PTPRD: variants seen among roughly 807,000 people sequenced by gnomAD.
PTPRD encodes receptor-type tyrosine-protein phosphatase delta.
Under a neutral mutation model 214.5 loss-of-function variants are expected in PTPRD, and 34 were observed. The observed-to-expected ratio is 0.16, with a 90% CI of 0.12 to 0.21. PTPRD has a LOEUF of 0.21. PTPRD is among the 10% of genes least tolerant of loss of function. The pLI is 1.00. For synonymous variants in PTPRD, 1,128 were observed against 845.7 expected (o/e 1.33, Z -5.79); for missense variants, 2,545 against 2,398.7 (o/e 1.06, Z -1.27).
chr9:9,626,532 T>C (rs2095431348), intron 7 of PTPRD, among the ~76,000 whole-genome samples: 4 of 151,952 alleles, frequency 2.6e-5, no homozygotes, highest in Admixed American at 6.6e-5. Context: ...ATGATTTGAT[T>C]AAAAATGGAA....
At chr9:9,302,541 C>T (rs1238603891) in intron 9 of PTPRD, among the ~76,000 whole-genome samples, 1 of 151,318 alleles carries the variant, frequency 6.6e-6, no homozygotes, top group Non-Finnish European at 1.5e-5. Flanking sequence ...CCCCACTCTC[C>T]CACTTTTCAT....
intron 4 of PTPRD, among the ~76,000 whole-genome samples, chr9:9,980,284 T>A (rs1327975493): frequency 6.6e-6 from 1 of 151,856 alleles, no homozygotes; most frequent in East Asian, 1.9e-4. Flanking sequence ...TTGTAATATA[T>A]AAACATATAA....
intron 3 of PTPRD, among the ~76,000 whole-genome samples, chr9:10,245,562 A>T (rs1441926252): frequency 6.6e-6 from 1 of 152,212 alleles, no homozygotes; most frequent in Non-Finnish European, 1.5e-5. Context: ...CTTTTCATTC[A>T]TTAGACAATG....
intron 11 of PTPRD, among the ~76,000 whole-genome samples, chr9:8,871,701 C>G (rs1028267624): frequency 3.3e-5 from 5 of 152,100 alleles, no homozygotes; most frequent in Non-Finnish European, 7.4e-5. Context: ...AGAGTGAAAA[C>G]TTTACCAATG....
chr9:8,730,556 G>A (rs766653885), intron 12 of PTPRD, among the ~76,000 whole-genome samples: 1 of 152,210 alleles, frequency 6.6e-6, no homozygotes, highest in Non-Finnish European at 1.5e-5. Context: ...TTTCGTTAGA[G>A]TGAAACTGGT....
intron 16 of PTPRD, 80 bp downstream of exon 16, chr9:8,527,265 G>A (rs1217063982): frequency 2.1e-6 from 3 of 1,441,556 alleles, no homozygotes; most frequent in Non-Finnish European, 2.9e-6. Context: ...TGCATGCCAT[G>A]CATTTTATTA....
intron 7 of PTPRD, among the ~76,000 whole-genome samples, chr9:9,601,091 C>G (rs978949848): frequency 4.5e-5 from 6 of 132,190 alleles, no homozygotes; most frequent in Non-Finnish European, 9.3e-5. Flanking sequence ...GATAAATACA[C>G]TGGGAAAAGA....
intron 7 of PTPRD, among the ~76,000 whole-genome samples, chr9:9,674,112 C>T (rs893093158): frequency 2.6e-5 from 4 of 151,672 alleles, no homozygotes; most frequent in Admixed American, 1.3e-4. Context: ...TAGATAAATA[C>T]TGTCTGTGTA....
intron 4 of PTPRD, among the ~76,000 whole-genome samples, chr9:9,940,591 T>C (rs937327555): frequency 2.0e-5 from 3 of 152,200 alleles, no homozygotes; most frequent in African/African-American, 7.2e-5. Flanking sequence ...TACATTCTTC[T>C]GAGTTTTGTT....
chr9:10,248,990 T>G (rs1194918137), intron 3 of PTPRD, among the ~76,000 whole-genome samples: 2 of 152,130 alleles, frequency 1.3e-5, no homozygotes, highest in Admixed American at 1.3e-4. Context: ...CCTAGAAGTT[T>G]GATCCCCTAA....
intron 4 of PTPRD, among the ~76,000 whole-genome samples, chr9:9,959,675 A>C (rs1159578745): frequency 6.6e-6 from 1 of 152,196 alleles, no homozygotes; most frequent in Non-Finnish European, 1.5e-5. Flanking sequence ...AGGTGCACAA[A>C]AACAGTGTAC....
At chr9:8,404,452 T>G in intron 36 of PTPRD, 85 bp downstream of exon 36, 1 of 1,502,338 alleles carries the variant, frequency 6.7e-7, no homozygotes, top group Non-Finnish European at 9.0e-7. Context: ...TCAGAGATGG[T>G]TAATAACCTC....
intron 2 of PTPRD, among the ~76,000 whole-genome samples, chr9:10,417,291 C>A (rs760461496): frequency 9.2e-5 from 14 of 151,820 alleles, no homozygotes; most frequent in Non-Finnish European, 1.5e-4. Context: ...TACCTTCTTC[C>A]AATGAAAGGG....
chr9:10,291,448 G>A (rs1439187566), intron 3 of PTPRD, among the ~76,000 whole-genome samples: 2 of 152,090 alleles, frequency 1.3e-5, no homozygotes, highest in South Asian at 2.1e-4. Context: ...GAAGATGAGC[G>A]GAGATTATTT....
intron 11 of PTPRD, among the ~76,000 whole-genome samples, chr9:8,875,475 C>T (rs2098378903): frequency 6.6e-6 from 1 of 152,078 alleles, no homozygotes; most frequent in African/African-American, 2.4e-5. Context: ...AGCAGAATAA[C>T]ATTAGGAATT....
chr9:10,031,647 T>TATATATATATAC, intron 4 of PTPRD, among the ~76,000 whole-genome samples: 1 of 89,650 alleles, frequency 1.1e-5, no homozygotes, highest in African/African-American at 8.1e-5. Flanking sequence ...TATATATATA[T>TATATATATATAC]ACACACACAC....
chr9:10,215,451 G>A lies in PTPRD; in HGVS notation c.-545+125512C>T, dbSNP rs180752782. Among the ~76,000 whole-genome samples, 51 of 152,190 alleles carry A rather than the reference G, an allele frequency of 3.4e-4. No individual in the cohort carries two copies. In the East Asian group the frequency reaches 4.8e-3, roughly 14 times the overall value. Reference sequence around the variant, plus strand: ...ATCAGGGGAATGTAAATTTAACCTCGTGAGACACATTTTAATATGTATCAG... The same window carrying A: ...ATCAGGGGAATGTAAATTTAACCTCATGAGACACATTTTAATATGTATCAG... On this transcript the variant is annotated intron_variant, in intron 3 of 45. Transcript: ENST00000381196.
chr9:9,668,491 G>A (rs2096765818), intron 7 of PTPRD, among the ~76,000 whole-genome samples: 1 of 152,014 alleles, frequency 6.6e-6, no homozygotes. Context: ...TTAGTACATT[G>A]TTGATTTTTT....
chr9:9,903,077 G>A (rs2076771675), intron 5 of PTPRD, among the ~76,000 whole-genome samples: 1 of 151,976 alleles, frequency 6.6e-6, no homozygotes, highest in South Asian at 2.1e-4. Context: ...TTGAGCTAAA[G>A]ACATATATTC....
Sources: allele counts gnomAD v4.1 joint callset (sites outside exome capture counted in the v4.1 genomes callset), GRCh38; gene constraint gnomAD v4.1.1; transcripts MANE v1.5; gene names NCBI Gene and HGNC (gene_info 2026-07-23, HGNC 2026-07-21).